Variants in MYH9 observed in about 807,000 individuals in gnomAD.
The protein encoded by MYH9 is myosin heavy chain 9, also known as myosin-9.
A neutral mutation model predicts 241.9 loss-of-function variants in MYH9; 29 were observed. That is an observed-to-expected ratio of 0.12 (90% CI 0.09 to 0.16). MYH9 has a LOEUF of 0.16. Among genes scored for constraint, MYH9 ranks in the 10% least tolerant of loss-of-function variants. The probability of loss-of-function intolerance (pLI) is 1.00; values close to 1 mark genes in which losing one functional copy is unlikely to be tolerated. For missense variants in MYH9, 1,803 were observed against 2,595.5 expected, an observed-to-expected ratio of 0.69 and a Z score of 6.63; for synonymous variants, 1,047 against 1,062.6, an observed-to-expected ratio of 0.99 and a Z score of 0.29.
At chr22:36,374,677 G>T (rs2018139473) in intron 1 of MYH9, among the ~76,000 whole-genome samples, 4 of 152,212 alleles carry the variant, frequency 2.6e-5, no homozygotes, top group Admixed American at 2.0e-4. Flanking sequence ...CACCCCCAAG[G>T]TGAGTGACCT....
chr22:36,357,341 A>T (rs1019388702), intron 1 of MYH9, among the ~76,000 whole-genome samples: 1 of 152,226 alleles, frequency 6.6e-6, no homozygotes, highest in African/African-American at 2.4e-5. Flanking sequence ...GAGCCAACGT[A>T]CAGGAAGAAG....
At chr22:36,333,479 T>G (rs1819218193) in intron 3 of MYH9, among the ~76,000 whole-genome samples, 1 of 152,204 alleles carries the variant, frequency 6.6e-6, no homozygotes, top group Admixed American at 6.5e-5. Context: ...AATGACATCC[T>G]GAGCCCCCAT....
At chr22:36,387,406 G>A (rs1214040507) in intron 1 of MYH9, among the ~76,000 whole-genome samples, 1 of 152,202 alleles carries the variant, frequency 6.6e-6, no homozygotes, top group Non-Finnish European at 1.5e-5. Context: ...CCCAGGGGCC[G>A]CGGCTCCCGG....
chr22:36,312,565 G>A (rs1291611295), intron 13 of MYH9, among the ~76,000 whole-genome samples: 1 of 152,128 alleles, frequency 6.6e-6, no homozygotes, highest in Non-Finnish European at 1.5e-5. Flanking sequence ...CCCTCAACAA[G>A]TACCCTGTGA....
intron 40 of MYH9, among the ~76,000 whole-genome samples, 169 bp downstream of exon 40, chr22:36,283,924 A>G (rs914691137): frequency 6.6e-6 from 1 of 152,274 alleles, no homozygotes; most frequent in Non-Finnish European, 1.5e-5. Flanking sequence ...CTGTGTGTTC[A>G]AAACACTAAG....
At chr22:36,297,761 G>A (rs2016811197) in intron 24 of MYH9, among the ~76,000 whole-genome samples, 1 of 152,198 alleles carries the variant, frequency 6.6e-6, no homozygotes, top group South Asian at 2.1e-4. Flanking sequence ...TCTGATCAAC[G>A]CTGCTGCAAG....
chr22:36,343,560 A>G (rs560987037), intron 2 of MYH9, among the ~76,000 whole-genome samples: 2 of 151,170 alleles, frequency 1.3e-5, no homozygotes, highest in Non-Finnish European at 3.0e-5. Flanking sequence ...AAAAAAAAAA[A>G]AAAAAAAGAG....
chr22:36,348,483 G>T (rs146876686), intron 2 of MYH9, among the ~76,000 whole-genome samples: 4,521 of 149,650 alleles, frequency 0.03, 220 homozygotes, highest in African/African-American at 0.1. Flanking sequence ...CACTCCAGCG[G>T]GGGCAACAGA....
At chr22:36,382,489 A>AG (rs1299792075) in intron 1 of MYH9, among the ~76,000 whole-genome samples, 1 of 150,498 alleles carries the variant, frequency 6.6e-6, no homozygotes, top group East Asian at 2.0e-4. Context: ...AACAAAAAAA[A>AG]GAGTGCCTAG....
chr22:36,324,093 G>C (rs879776586), intron 5 of MYH9, among the ~76,000 whole-genome samples: 2 of 152,256 alleles, frequency 1.3e-5, no homozygotes, highest in African/African-American at 4.8e-5. Context: ...ACAGAAGGGA[G>C]CGCGGCCCCT....
chr22:36,370,848 G>A (rs1212118303), intron 1 of MYH9, among the ~76,000 whole-genome samples: 1 of 152,122 alleles, frequency 6.6e-6, no homozygotes, highest in Non-Finnish European at 1.5e-5. Flanking sequence ...GTGAACCAGG[G>A]GTGGGCAGTG....
intron 4 of MYH9, 127 bp downstream of exon 4, chr22:36,327,334 T>C: frequency 4.7e-6 from 5 of 1,068,618 alleles, no homozygotes; most frequent in Non-Finnish European, 5.7e-6. Flanking sequence ...CTTGGAGAAG[T>C]GGAGGAGGGG....
chr22:36,322,571 C>T (rs1603483475), intron 5 of MYH9, 50 bp from the exon 6 acceptor site: 1 of 1,563,272 alleles, frequency 6.4e-7, no homozygotes, highest in Non-Finnish European at 8.8e-7. Context: ...ACCTGGGCTG[C>T]CGAGCCTGCC....
chr22:36,293,998 G>C lies in MYH9; in HGVS notation c.3837+94C>G. On this transcript the variant is annotated intron_variant, in intron 28 of 40. Transcript: ENST00000216181. The surrounding 1 kb of genome is among the most constrained non-coding windows in gnomAD (Gnocchi z 5.1). ...GGTCTGAGGAGCCAGTTTGAGAAGA[G>C]AGAGAGACAGAGAGCACACATGCAC... 2 of 1,496,036 alleles carry C rather than the reference G, an allele frequency of 1.3e-6. No homozygotes were observed. Among genetic ancestry groups the C allele is most frequent in the Admixed American group, 1.7e-5 (1 of 57,950 alleles). The allele number at this position is 1,496,036 out of a possible 1,614,324, so 92.7% of individuals were successfully genotyped here.
rs756026848 is a variant in MYH9 at position 36,285,585 on chromosome 22, G to A, written c.5274+73C>T. 3.8e-4 allele frequency: 601 copies of A among 1,600,794 alleles called. No homozygotes were observed. Among genetic ancestry groups the A allele is most frequent in the Middle Eastern group, 4.5e-4 (2 of 4,422 alleles). ...CTGGCACTTGGCCTGTGCTTCTGCC[G>A]GCTGGGTCCAAGGCCAGCTCTGCCG... is the stretch of plus-strand genomic sequence containing the variant. On this transcript the variant is annotated intron_variant, in intron 37 of 40. Coordinates refer to ENST00000216181, the MANE Select transcript of MYH9 (RefSeq NM_002473.6). This position sits in a 1 kb window ranked among gnomAD's most constrained non-coding sequence, Gnocchi z 7.0.
chr22:36,319,411 T>G, intron 10 of MYH9, 129 bp downstream of exon 10: 2 of 891,584 alleles, frequency 2.2e-6, no homozygotes, highest in Non-Finnish European at 3.7e-6. Context: ...TACATCTGTA[T>G]AGAAAATACC....
chr22:36,288,211 C>T lies in MYH9; in HGVS notation c.4932+41G>A, dbSNP rs769549312. 10 of 1,610,482 alleles carry T rather than the reference C, an allele frequency of 6.2e-6. No individual in the cohort carries two copies. Among genetic ancestry groups the T allele is most frequent in the Admixed American group, 1.7e-5 (1 of 59,996 alleles). Reference sequence around the variant, plus strand: ...CACCTTCATATGTAGTTGGCTCAGTCGGGTGCCGCCCACCCTCACCTGGGC... The same window carrying T: ...CACCTTCATATGTAGTTGGCTCAGTTGGGTGCCGCCCACCCTCACCTGGGC... On this transcript the variant is annotated intron_variant, in intron 34 of 40. Coordinates refer to ENST00000216181, the MANE Select transcript of MYH9 (RefSeq NM_002473.6). This position sits in a 1 kb window ranked among gnomAD's most constrained non-coding sequence, Gnocchi z 4.8.
rs760738611 is a variant in MYH9, at chr22:36,289,274, G to A, written c.4368C>T (p.Ile1456=). 6.2e-7 allele frequency: 1 copy of A among 1,612,138 alleles called. No individual in the cohort carries two copies. The highest frequency in any genetic ancestry group is 2.2e-5 in the East Asian group (1 of 44,854). The change falls in exon 32 of 41, where the codon ATC becomes ATT. Residue 1456 remains isoleucine (I), a synonymous_variant. Coordinates refer to ENST00000216181, the MANE Select transcript of MYH9 (RefSeq NM_002473.6). ...CGCGCTCCTCTGCATACTTGGCAGAGATGGTCTTCTCCTCCGCCAGGAGCT... is the reference window on the plus strand; with the variant it reads ...CGCGCTCCTCTGCATACTTGGCAGAAATGGTCTTCTCCTCCGCCAGGAGCT... ...FDQLLAEEKT[I]SAKYAEERDR... is the part of the protein sequence containing the mutation.
chr22:36,326,002 G>A (rs1032525486), intron 5 of MYH9, among the ~76,000 whole-genome samples: 2 of 152,206 alleles, frequency 1.3e-5, no homozygotes, highest in Non-Finnish European at 2.9e-5. Flanking sequence ...AGTGCAGAAC[G>A]TGCAGTAAAC....
Sources: allele counts gnomAD v4.1 joint callset (sites outside exome capture counted in the v4.1 genomes callset), GRCh38; gene constraint gnomAD v4.1.1; non-coding constraint Gnocchi (gnomAD v3.1); transcripts MANE v1.5; gene names NCBI Gene and HGNC (gene_info 2026-07-23, HGNC 2026-07-21).